The following TEAD1 variants were observed in gnomAD, a reference collection of about 807,000 sequenced individuals.
TEAD1 encodes TEA domain transcription factor 1.
In TEAD1, 9 loss-of-function variants were observed where a neutral mutation model predicts 54.9. The ratio of observed to expected loss-of-function variants is 0.16; its 90% confidence interval spans 0.10 to 0.29. The LOEUF is 0.29. Ranked by LOEUF, TEAD1 falls within the 10% of genes least tolerant of loss-of-function variation. The pLI is 1.00. For missense variants in TEAD1, 387 were observed against 535.9 expected (o/e 0.72, Z 2.74); for synonymous variants, 200 against 187.8 (o/e 1.07, Z -0.53).
chr11:12,781,665 A>G (rs987657440), intron 3 of TEAD1, among the ~76,000 whole-genome samples: 2 of 151,532 alleles, frequency 1.3e-5, no homozygotes, highest in African/African-American at 4.9e-5. Flanking sequence ...AAAACAGACA[A>G]TAACAAGTGT....
chr11:12,738,542 G>C (rs1224753667), intron 2 of TEAD1, among the ~76,000 whole-genome samples: 1 of 152,164 alleles, frequency 6.6e-6, no homozygotes, highest in Non-Finnish European at 1.5e-5. Context: ...CAGAAGGCAG[G>C]CACAGAACTT....
intron 5 of TEAD1, among the ~76,000 whole-genome samples, chr11:12,871,909 C>T (rs561842424): frequency 2.5e-4 from 38 of 152,174 alleles, no homozygotes; most frequent in Non-Finnish European, 4.7e-4. Context: ...GACATTGCAT[C>T]ATCCCAGTAG....
Position 12,883,217 on chromosome 11 carries a change from C to T in TEAD1, c.699+92C>T, listed in dbSNP as rs569574245. On this transcript the variant is annotated intron_variant, in intron 9 of 12. Coordinates refer to ENST00000527636, the MANE Select transcript of TEAD1 (RefSeq NM_021961.6). ...CTTCTCTTTCTTTCCTCCTTTACCC[C>T]GCCCCATGCCTGACAAATATCCTGT... 577 of 1,581,198 alleles carry T rather than the reference C, an allele frequency of 3.6e-4. 3 individuals carry two copies. In the South Asian group the frequency reaches 4.7e-3, roughly 13 times the overall value.
intron 2 of TEAD1, among the ~76,000 whole-genome samples, chr11:12,754,390 G>A (rs575412944): frequency 1.4e-4 from 22 of 152,178 alleles, no homozygotes; most frequent in Non-Finnish European, 2.6e-4. Context: ...TGTGATTTGG[G>A]TATGCTTTGA....
intron 2 of TEAD1, among the ~76,000 whole-genome samples, chr11:12,762,980 C>G (rs535664542): frequency 7.7e-4 from 117 of 152,296 alleles, no homozygotes; most frequent in African/African-American, 2.6e-3. Flanking sequence ...CACATGAAAC[C>G]CTCCCTACTC....
intron 2 of TEAD1, among the ~76,000 whole-genome samples, chr11:12,750,455 C>T (rs894337662): frequency 6.6e-6 from 1 of 152,168 alleles, no homozygotes; most frequent in Admixed American, 6.5e-5. Context: ...GAGAACTGTC[C>T]TGGCCTTGGA....
intron 2 of TEAD1, among the ~76,000 whole-genome samples, chr11:12,716,186 G>C (rs186280978): frequency 1.3e-5 from 2 of 152,130 alleles, no homozygotes; most frequent in African/African-American, 4.8e-5. Flanking sequence ...TGGAAACTCC[G>C]GCCAACTCTC....
intron 3 of TEAD1, among the ~76,000 whole-genome samples, chr11:12,792,861 G>A (rs905065208): frequency 6.6e-6 from 1 of 152,270 alleles, no homozygotes; most frequent in South Asian, 2.1e-4. Context: ...TTTGAGACCA[G>A]CCTGGGCAAC....
chr11:12,862,975 A>G (rs1251952174), intron 4 of TEAD1, among the ~76,000 whole-genome samples: 1 of 152,168 alleles, frequency 6.6e-6, no homozygotes, highest in Non-Finnish European at 1.5e-5. Context: ...CCAGTTTAGA[A>G]CTGGAACGAA....
intron 2 of TEAD1, among the ~76,000 whole-genome samples, chr11:12,750,573 A>T (rs1944850482): frequency 6.6e-6 from 1 of 152,102 alleles, no homozygotes; most frequent in South Asian, 2.1e-4. Flanking sequence ...ACAGACACAC[A>T]CACGTACACC....
At chr11:12,761,663 T>G (rs371937984) in intron 2 of TEAD1, among the ~76,000 whole-genome samples, 2 of 152,264 alleles carry the variant, frequency 1.3e-5, no homozygotes, top group East Asian at 3.9e-4. Context: ...GATGATGGTT[T>G]CTAGTCTGGA....
At chr11:12,715,887 C>T (rs964883873) in intron 2 of TEAD1, among the ~76,000 whole-genome samples, 7 of 152,064 alleles carry the variant, frequency 4.6e-5, no homozygotes, top group Non-Finnish European at 7.4e-5. Flanking sequence ...GCAATCTCAC[C>T]TCTAGGGGTT....
intron 2 of TEAD1, among the ~76,000 whole-genome samples, chr11:12,746,960 T>C (rs1048267723): frequency 1.3e-5 from 2 of 152,196 alleles, no homozygotes; most frequent in South Asian, 4.1e-4. Flanking sequence ...TGGCAGGTCC[T>C]GCCTGAGGTT....
At chr11:12,785,537 A>T (rs1945660294) in intron 3 of TEAD1, among the ~76,000 whole-genome samples, 1 of 152,216 alleles carries the variant, frequency 6.6e-6, no homozygotes. Flanking sequence ...AACAGAAATA[A>T]ACCTTAGGCA....
At chr11:12,789,714 A>G (rs1341290667) in intron 3 of TEAD1, among the ~76,000 whole-genome samples, 6 of 152,230 alleles carry the variant, frequency 3.9e-5, no homozygotes, top group Admixed American at 6.5e-5. Flanking sequence ...CAGCATGGAT[A>G]TGTATGGAGA....
intron 3 of TEAD1, among the ~76,000 whole-genome samples, chr11:12,816,200 G>A (rs916375106): frequency 2.6e-5 from 4 of 152,140 alleles, no homozygotes; most frequent in East Asian, 1.9e-4. Context: ...TTGCACTCAC[G>A]TCCCACTTTG....
intron 1 of TEAD1, among the ~76,000 whole-genome samples, chr11:12,675,070 G>T (rs1296449775): frequency 1.4e-5 from 2 of 146,310 alleles, no homozygotes; most frequent in Non-Finnish European, 1.5e-5. Context: ...TGGGCCGCGC[G>T]CTGGGAGCCC....
chr11:12,873,795 T>C (rs2134085766), intron 5 of TEAD1, among the ~76,000 whole-genome samples: 1 of 152,348 alleles, frequency 6.6e-6, no homozygotes, highest in South Asian at 2.1e-4. Flanking sequence ...GTATGGCTAA[T>C]AATTGCAGAG....
intron 2 of TEAD1, among the ~76,000 whole-genome samples, chr11:12,715,819 T>C (rs563757993): frequency 1.3e-5 from 2 of 152,286 alleles, no homozygotes; most frequent in South Asian, 4.1e-4. Context: ...TTAATTTGAA[T>C]GTCATTTTTC....
Sources: allele counts gnomAD v4.1 joint callset (sites outside exome capture counted in the v4.1 genomes callset), GRCh38; gene constraint gnomAD v4.1.1; transcripts MANE v1.5; gene names NCBI Gene and HGNC (gene_info 2026-07-23, HGNC 2026-07-21).